The following LRP1B variants were observed in gnomAD, a reference collection of about 807,000 sequenced individuals.
LRP1B encodes low-density lipoprotein receptor-related protein 1B.
In LRP1B, 217 loss-of-function variants were observed where a neutral mutation model predicts 556.6. The ratio of observed to expected loss-of-function variants is 0.39; its 90% CI spans 0.35 to 0.44. The LOEUF (loss-of-function observed/expected upper bound fraction) is 0.44. Among genes scored for constraint, LRP1B ranks in the 20% least tolerant of loss-of-function variants. The pLI is 1.00. For missense variants in LRP1B, 5,053 were observed against 5,620.8 expected (o/e 0.90, Z 3.23); for synonymous variants, 2,047 against 1,865.8 (o/e 1.10, Z -2.50).
chr2:141,499,011 T>C (rs1278305548), intron 2 of LRP1B, among the ~76,000 whole-genome samples: 1 of 152,122 alleles, frequency 6.6e-6, no homozygotes, highest in Non-Finnish European at 1.5e-5. Context: ...TCTTCTCTCA[T>C]GAATTAATGT....
At chr2:141,497,642 T>G (rs1319120437) in intron 2 of LRP1B, among the ~76,000 whole-genome samples, 1 of 151,942 alleles carries the variant, frequency 6.6e-6, no homozygotes, top group Non-Finnish European at 1.5e-5. Context: ...AAACTTCTCT[T>G]TAATTTTCCC....
chr2:141,974,335 G>A (rs938105058), intron 1 of LRP1B, among the ~76,000 whole-genome samples: 5 of 151,986 alleles, frequency 3.3e-5, no homozygotes, highest in African/African-American at 1.2e-4. Flanking sequence ...GGAAAGAACG[G>A]TTAACTCCTC....
intron 1 of LRP1B, among the ~76,000 whole-genome samples, chr2:141,864,931 G>A (rs181178097): frequency 9.9e-5 from 15 of 152,072 alleles, no homozygotes; most frequent in African/African-American, 3.1e-4. Flanking sequence ...GAAATGTGGT[G>A]TTGTATTGTT....
chr2:142,125,482 T>C (rs575063861), intron 1 of LRP1B, among the ~76,000 whole-genome samples: 31 of 151,956 alleles, frequency 2.0e-4, no homozygotes, highest in Admixed American at 1.7e-3. Context: ...AACTCACATA[T>C]GGAAATTAGT....
chr2:141,761,634 AC>A (rs1232835625), intron 2 of LRP1B, among the ~76,000 whole-genome samples: 2 of 152,154 alleles, frequency 1.3e-5, no homozygotes, highest in Non-Finnish European at 2.9e-5. Flanking sequence ...TTATTTGCAT[AC>A]CTGTTGGACA....
chr2:141,702,952 T>G (rs1213894889), intron 2 of LRP1B, among the ~76,000 whole-genome samples: 1 of 151,918 alleles, frequency 6.6e-6, no homozygotes, highest in Non-Finnish European at 1.5e-5. Context: ...ATAAGTGAGC[T>G]CATTAAAAGA....
intron 4 of LRP1B, among the ~76,000 whole-genome samples, chr2:141,250,311 C>A (rs138630230): frequency 2.0e-3 from 298 of 152,206 alleles, no homozygotes; most frequent in African/African-American, 6.8e-3. Flanking sequence ...AAATACCAAA[C>A]AGTGGATTAG....
At chr2:140,653,321 G>C (rs746909579) in intron 41 of LRP1B, among the ~76,000 whole-genome samples, 5 of 152,022 alleles carry the variant, frequency 3.3e-5, no homozygotes, top group Non-Finnish European at 2.9e-5. Flanking sequence ...AATATTTCAG[G>C]ATAAGGACTG....
chr2:141,581,703 T>C (rs1686962628), intron 2 of LRP1B, among the ~76,000 whole-genome samples: 1 of 152,196 alleles, frequency 6.6e-6, no homozygotes, highest in South Asian at 2.1e-4. Flanking sequence ...TTAATTCATA[T>C]GCTTGCCATA....
intron 27 of LRP1B, among the ~76,000 whole-genome samples, chr2:140,856,412 C>T (rs1692619238): frequency 6.6e-6 from 1 of 152,148 alleles, no homozygotes; most frequent in African/African-American, 2.4e-5. Context: ...GCTTGCTGTC[C>T]TATTTTCTAA....
chr2:140,597,871 A>G (rs1342956643), intron 43 of LRP1B, among the ~76,000 whole-genome samples: 2 of 152,192 alleles, frequency 1.3e-5, no homozygotes, highest in East Asian at 3.9e-4. Context: ...ATTGTGTTAC[A>G]TTCCAGACCT....
chr2:141,297,520 C>CTA (rs1320414618), intron 3 of LRP1B, among the ~76,000 whole-genome samples: 6 of 152,028 alleles, frequency 3.9e-5, no homozygotes, highest in Non-Finnish European at 8.8e-5. Context: ...TGAACATAGT[C>CTA]TATAGTCAAC....
intron 29 of LRP1B, among the ~76,000 whole-genome samples, chr2:140,843,349 T>C (rs1409309087): frequency 6.6e-6 from 1 of 152,042 alleles, no homozygotes; most frequent in African/African-American, 2.4e-5. Flanking sequence ...CTCTAAGCAA[T>C]TGATTTATTT....
intron 77 of LRP1B, among the ~76,000 whole-genome samples, chr2:140,336,394 T>A (rs1010074863): frequency 1.7e-3 from 262 of 151,908 alleles, no homozygotes; most frequent in Non-Finnish European, 3.1e-3. Flanking sequence ...GTACTTTTTT[T>A]TTTTTTGATG....
intron 31 of LRP1B, among the ~76,000 whole-genome samples, chr2:140,830,931 A>G (rs1480753849): frequency 2.0e-5 from 3 of 152,148 alleles, no homozygotes; most frequent in African/African-American, 7.2e-5. Context: ...ACTGAAAAAG[A>G]GATTAAGAAA....
rs1011883245 is a variant in LRP1B, at chr2:141,553,649, T to C, written c.206-73116A>G. On this transcript the variant is annotated intron_variant, in intron 2 of 90. Transcript: ENST00000389484. Reference sequence around the variant, plus strand: ...ACAATTGTGTATATTACATATATAATATATAATTTTATATATAACATATAG... The same window carrying C: ...ACAATTGTGTATATTACATATATAACATATAATTTTATATATAACATATAG... 2.7e-5 allele frequency among the ~76,000 whole-genome samples: 4 copies of C among 145,602 alleles called. No individual in the cohort carries two copies. The East Asian group carries it at 5.9e-4, about 22-fold the overall frequency.
intron 87 of LRP1B, among the ~76,000 whole-genome samples, chr2:140,243,716 A>G (rs1056365801): frequency 1.3e-5 from 2 of 150,984 alleles, no homozygotes; most frequent in Non-Finnish European, 1.5e-5. Context: ...CTCTAACTTC[A>G]CTTTGTACCA....
At chr2:141,508,155 G>A (rs1684000588) in intron 2 of LRP1B, among the ~76,000 whole-genome samples, 1 of 151,922 alleles carries the variant, frequency 6.6e-6, no homozygotes, top group South Asian at 2.1e-4. Context: ...AATGTATGAT[G>A]TCTAAATGAT....
intron 41 of LRP1B, among the ~76,000 whole-genome samples, chr2:140,619,300 C>A (rs1328976718): frequency 2.6e-5 from 4 of 152,044 alleles, no homozygotes; most frequent in African/African-American, 9.7e-5. Flanking sequence ...GTTTTTCTGT[C>A]CTGAATATGA....
Sources: allele counts gnomAD v4.1 joint callset (sites outside exome capture counted in the v4.1 genomes callset), GRCh38; gene constraint gnomAD v4.1.1; transcripts MANE v1.5; gene names NCBI Gene and HGNC (gene_info 2026-07-23, HGNC 2026-07-21).